Variants in ADD2 observed in about 807,000 individuals in gnomAD.
The protein encoded by ADD2 is beta-adducin.
ADD2 carries 23 observed loss-of-function variants against 83.0 expected under a neutral mutation model. The ratio of observed to expected loss-of-function variants is 0.28; its 90% CI spans 0.20 to 0.39. ADD2 has a LOEUF of 0.39. Among genes scored for constraint, ADD2 ranks in the 10% least tolerant of loss-of-function variants. The probability of loss-of-function intolerance (pLI) is 1.00; values close to 1 mark genes in which losing one functional copy is unlikely to be tolerated. For missense variants in ADD2, 758 were observed against 944.9 expected, an observed-to-expected ratio of 0.80 and a Z score of 2.59; for synonymous variants, 375 against 375.4, an observed-to-expected ratio of 1.00 and a Z score of 0.01.
Position 70,663,736 on chromosome 2 carries a change from C to A in ADD2, c.1871-1G>T. 6.2e-7 allele frequency: 1 copy of A among 1,610,980 alleles called. No individual in the cohort carries two copies. Among genetic ancestry groups the A allele is most frequent in the Middle Eastern group, 1.7e-4 (1 of 6,040 alleles). On this transcript the variant is annotated splice_acceptor_variant, in intron 15 of 15. Coordinates refer to ENST00000264436, the MANE Select transcript of ADD2 (RefSeq NM_001617.4). LOFTEE classifies it high-confidence loss of function. ...CTTGTTTCTGTCTTCTTAGTACCTTCTAGAAAAAGATCAAAAGATATGACC... is the reference window on the plus strand; with the variant it reads ...CTTGTTTCTGTCTTCTTAGTACCTTATAGAAAAAGATCAAAAGATATGACC...
At chr2:70,675,805 A>G (rs889265190) in intron 13 of ADD2, 4 of 985,216 alleles carry the variant, frequency 4.1e-6, no homozygotes, top group African/African-American at 1.7e-5. Context: ...ACCCAAGAAG[A>G]GGGACTCCGA....
chr2:70,757,814 C>A (rs1444935412), intron 1 of ADD2, among the ~76,000 whole-genome samples: 2 of 152,120 alleles, frequency 1.3e-5, no homozygotes, highest in African/African-American at 4.8e-5. Flanking sequence ...ATAACACAAG[C>A]AGAAAATCAC....
intron 1 of ADD2, among the ~76,000 whole-genome samples, chr2:70,738,936 C>A (rs145496682): frequency 4.6e-5 from 7 of 152,178 alleles, no homozygotes; most frequent in Non-Finnish European, 1.0e-4. Context: ...ATTAAAAAAC[C>A]CTCGAAGACA....
At chr2:70,717,125 G>A (rs1477312158) in intron 1 of ADD2, among the ~76,000 whole-genome samples, 1 of 151,878 alleles carries the variant, frequency 6.6e-6, no homozygotes, top group Non-Finnish European at 1.5e-5. Context: ...TCTAGGCCTG[G>A]CAAGCTCACT....
At chr2:70,666,875 T>C (rs1675822413) in intron 15 of ADD2, among the ~76,000 whole-genome samples, 1 of 152,146 alleles carries the variant, frequency 6.6e-6, no homozygotes, top group Admixed American at 6.5e-5. Context: ...TGAGGAGTCA[T>C]AGCAAATGGA....
intron 2 of ADD2, among the ~76,000 whole-genome samples, chr2:70,710,953 T>C (rs186413614): frequency 5.9e-5 from 9 of 152,362 alleles, no homozygotes; most frequent in African/African-American, 1.9e-4. Flanking sequence ...AGGCTTGTGA[T>C]TCAATTATAA....
At chr2:70,742,874 T>C (rs1312809696) in intron 1 of ADD2, among the ~76,000 whole-genome samples, 1 of 152,204 alleles carries the variant, frequency 6.6e-6, no homozygotes, top group Non-Finnish European at 1.5e-5. Flanking sequence ...GTTATGTTTT[T>C]TTAAGTTATG....
rs1675606585 is a variant in ADD2, at chr2:70,663,263, T to C, written c.*162A>G. The C allele has an allele frequency of 1.2e-6, 1 of 808,524 alleles. No individual in the cohort carries two copies. Among genetic ancestry groups the C allele is most frequent in the Non-Finnish European group, 1.9e-6 (1 of 518,986 alleles). The allele number at this position is 808,524 out of a possible 1,614,324, so 50.1% of individuals were successfully genotyped here. ...AGTCACCTGATTTCTCTTGGGCAAC[T>C]GTAAAACGAAGGGTTGGTCGGGTGA... On this transcript the variant is annotated 3_prime_UTR_variant, in exon 16 of 16. Transcript: ENST00000264436.
At chr2:70,664,844 GTC>G (rs1192257239) in intron 15 of ADD2, among the ~76,000 whole-genome samples, 1 of 150,046 alleles carries the variant, frequency 6.7e-6, no homozygotes. Flanking sequence ...CCATGAGTGT[GTC>G]TGTGTGTGTG....
intron 1 of ADD2, among the ~76,000 whole-genome samples, chr2:70,734,784 C>A (rs1673443705): frequency 6.6e-6 from 1 of 152,226 alleles, no homozygotes; most frequent in Admixed American, 6.5e-5. Context: ...AGCCGACCAC[C>A]TCTGTACCCT....
At position 70,656,939 on chromosome 2, in the gene ADD2, G is replaced by A. The variant is rs1167922310; in HGVS notation, c.*6486C>T. ...CAGGAAGTGGCTTTGGAAAGTTCTCGTGAAAATCAAAGGGCAGCTTTGGTG... is the reference window on the plus strand; with the variant it reads ...CAGGAAGTGGCTTTGGAAAGTTCTCATGAAAATCAAAGGGCAGCTTTGGTG... On this transcript the variant is annotated 3_prime_UTR_variant, in exon 16 of 16. Coordinates refer to ENST00000264436, the MANE Select transcript of ADD2 (RefSeq NM_001617.4). The A allele has an allele frequency of 3.3e-5, 5 of 151,974 alleles. No individual in the cohort carries two copies. Among genetic ancestry groups the A allele is most frequent in the African/African-American group, 7.3e-5 (3 of 41,366 alleles). The allele number at this position is 151,974 out of a possible 1,614,324, so 9.4% of individuals were successfully genotyped here.
chr2:70,689,897 G>A (rs1670940966), intron 8 of ADD2, among the ~76,000 whole-genome samples: 1 of 152,168 alleles, frequency 6.6e-6, no homozygotes, highest in Non-Finnish European at 1.5e-5. Flanking sequence ...CTGCAGGGAA[G>A]TGGCACTCTC....
At position 70,676,235 on chromosome 2, in the gene ADD2, C is replaced by A; in HGVS notation, c.1593+561G>T. The A allele has an allele frequency of 2.0e-6, 2 of 987,510 alleles. No homozygotes were observed. The highest frequency in any genetic ancestry group is 4.7e-5 in the South Asian group (1 of 21,330). The allele number at this position is 987,510 out of a possible 1,614,324, so 61.2% of individuals were successfully genotyped here. On this transcript the variant is annotated intron_variant, in intron 13 of 15. Coordinates refer to ENST00000264436, the MANE Select transcript of ADD2 (RefSeq NM_001617.4). This position sits in a 1 kb window ranked among gnomAD's most constrained non-coding sequence, Gnocchi z 4.8. ...GCTAAGCACTAGACAAAACACTGTTCTATCTCAAGCACAAAAACAATTACA... is the reference window on the plus strand; with the variant it reads ...GCTAAGCACTAGACAAAACACTGTTATATCTCAAGCACAAAAACAATTACA...
chr2:70,757,631 G>T (rs886441145), intron 1 of ADD2, among the ~76,000 whole-genome samples: 1 of 152,178 alleles, frequency 6.6e-6, no homozygotes, highest in African/African-American at 2.4e-5. Flanking sequence ...GAGATAATCA[G>T]TATGGATGCT....
At chr2:70,677,677 T>G (rs1670233578) in intron 12 of ADD2, 81 bp downstream of exon 12, 5 of 1,559,012 alleles carry the variant, frequency 3.2e-6, no homozygotes, top group Non-Finnish European at 4.4e-6. Context: ...AGGCACATCC[T>G]GGGAACTCAG....
chr2:70,717,115 T>C (rs1173621353), intron 1 of ADD2, among the ~76,000 whole-genome samples: 1 of 151,852 alleles, frequency 6.6e-6, no homozygotes, highest in Non-Finnish European at 1.5e-5. Context: ...AGGAGCTCCC[T>C]CTAGGCCTGG....
intron 15 of ADD2, among the ~76,000 whole-genome samples, chr2:70,664,765 G>A (rs1307230243): frequency 1.4e-5 from 2 of 145,478 alleles, no homozygotes; most frequent in African/African-American, 5.3e-5. Context: ...GTGAGGGTGT[G>A]CAAGTGTGAG....
At chr2:70,704,273 ACCCT>A in intron 4 of ADD2, 44 bp downstream of exon 4, 1 of 523,430 alleles carries the variant, frequency 1.9e-6, no homozygotes, top group Non-Finnish European at 3.1e-6. Flanking sequence ...TCCCCACCCC[ACCCT>A]CCCCTCCACC....
chr2:70,768,077 C>A lies in ADD2; in HGVS notation c.-345G>T. ...CCCCAGCAGTGCAGCGGCTCCGCGG[C>A]GGCGGGGATGACTGGCCACCGACGC... On this transcript the variant is annotated 5_prime_UTR_variant, in exon 1 of 16. Coordinates refer to ENST00000264436, the MANE Select transcript of ADD2 (RefSeq NM_001617.4). 1 of 1,212,900 alleles carries A rather than the reference C, an allele frequency of 8.2e-7. No individual in the cohort carries two copies. The highest frequency in any genetic ancestry group is 1.1e-6 in the Non-Finnish European group (1 of 892,398). The allele number at this position is 1,212,900 out of a possible 1,614,324, so 75.1% of individuals were successfully genotyped here. A position where few individuals can be genotyped will look rare whatever the true frequency, so the allele number is the denominator to read the frequency against.
Sources: gnomAD v4.1 joint callset for allele counts (sites outside exome capture counted in the v4.1 genomes callset) on GRCh38, gnomAD v4.1.1 for gene constraint, Gnocchi (gnomAD v3.1) non-coding constraint, MANE v1.5 for transcripts, NCBI Gene and HGNC (gene_info 2026-07-23, HGNC 2026-07-21) for gene names.